The following HYCC1 variants were observed in gnomAD, a reference collection of about 807,000 sequenced individuals.
HYCC1 encodes hyccin.
chr7:23,007,597 A>G, the HYCC1 span, among the ~76,000 whole-genome samples: 1 of 152,270 alleles, frequency 6.6e-6, no homozygotes, highest in African/African-American at 2.4e-5. Flanking sequence ...AAATGGAAAC[A>G]TGGAAAGCTT....
the HYCC1 span, among the ~76,000 whole-genome samples, chr7:23,002,136 G>GTATATTTATA: frequency 1.3e-5 from 1 of 76,614 alleles, no homozygotes; most frequent in Admixed American, 1.8e-4. Context: ...GGTAAAAATT[G>GTATATTTATA]TATATATATA....
At chr7:22,917,421 G>A in the HYCC1 span, among the ~76,000 whole-genome samples, 2,029 of 152,038 alleles carry the variant, frequency 0.013, 58 homozygotes, top group African/African-American at 0.047. Context: ...GCTATTCTAC[G>A]ACTCCTGAGG....
chr7:23,001,480 T>C, the HYCC1 span, among the ~76,000 whole-genome samples: 1 of 152,184 alleles, frequency 6.6e-6, no homozygotes, highest in Non-Finnish European at 1.5e-5. Flanking sequence ...TCTTTTCTTC[T>C]TCCTAATATT....
At chr7:22,904,089 T>C in the HYCC1 span, among the ~76,000 whole-genome samples, 2 of 152,258 alleles carry the variant, frequency 1.3e-5, no homozygotes, top group South Asian at 2.1e-4. Context: ...ATCAAAAATG[T>C]AGAAATTATC....
the HYCC1 span, among the ~76,000 whole-genome samples, chr7:22,932,171 T>C: frequency 2.0e-5 from 3 of 152,210 alleles, no homozygotes; most frequent in African/African-American, 7.2e-5. Context: ...AACAAATCTA[T>C]GCAAGACTCC....
chr7:22,976,172 T>C, the HYCC1 span: 6 of 1,213,136 alleles, frequency 4.9e-6, no homozygotes, highest in East Asian at 4.7e-5. Flanking sequence ...CATAGATTCA[T>C]ATATTTCAAT....
chr7:22,925,348 T>G, the HYCC1 span, among the ~76,000 whole-genome samples: 7 of 151,716 alleles, frequency 4.6e-5, no homozygotes, highest in South Asian at 1.3e-3. Flanking sequence ...CTTTGATGAG[T>G]TGAGAGAGGA....
the HYCC1 span, among the ~76,000 whole-genome samples, chr7:22,973,967 T>C: frequency 6.6e-6 from 1 of 152,134 alleles, no homozygotes; most frequent in Non-Finnish European, 1.5e-5. Context: ...CTTCAAAAAA[T>C]ACATTTATAT....
chr7:22,909,478 G>C, the HYCC1 span, among the ~76,000 whole-genome samples: 7 of 152,244 alleles, frequency 4.6e-5, no homozygotes, highest in East Asian at 1.3e-3. Context: ...AGTAATGCAA[G>C]AATGGCCTAA....
At chr7:22,993,302 A>C in the HYCC1 span, among the ~76,000 whole-genome samples, 1 of 152,186 alleles carries the variant, frequency 6.6e-6, no homozygotes, top group African/African-American at 2.4e-5. Context: ...TTAGAAGAAA[A>C]TGCAAGAGAG....
the HYCC1 span, chr7:22,961,316 AT>A: frequency 1.3e-6 from 2 of 1,543,880 alleles, no homozygotes; most frequent in Non-Finnish European, 1.8e-6. Context: ...CCCATTCTCC[AT>A]TATAACTATA....
At chr7:22,968,856 T>G in the HYCC1 span, among the ~76,000 whole-genome samples, 1 of 152,020 alleles carries the variant, frequency 6.6e-6, no homozygotes, top group Admixed American at 6.6e-5. Context: ...CATGGTGCCA[T>G]GTGCCTGTAA....
At chr7:22,987,112 A>C in the HYCC1 span, among the ~76,000 whole-genome samples, 1 of 152,238 alleles carries the variant, frequency 6.6e-6, no homozygotes, top group African/African-American at 2.4e-5. Flanking sequence ...AATCTGCTAG[A>C]TAAATCTACC....
chr7:23,012,605 T>C, the HYCC1 span, among the ~76,000 whole-genome samples: 2 of 152,310 alleles, frequency 1.3e-5, no homozygotes, highest in South Asian at 4.1e-4. Flanking sequence ...ATCTTAAATG[T>C]TTTTCCTTCC....
the HYCC1 span, among the ~76,000 whole-genome samples, chr7:23,005,101 G>A: frequency 3.3e-5 from 5 of 152,082 alleles, no homozygotes; most frequent in South Asian, 2.1e-4. Flanking sequence ...CACGGCGCCC[G>A]GCCTCTTCTA....
chr7:22,987,788 T>C, the HYCC1 span, among the ~76,000 whole-genome samples: 3 of 152,200 alleles, frequency 2.0e-5, no homozygotes, highest in Non-Finnish European at 4.4e-5. Flanking sequence ...CCCAACATCA[T>C]AAAACCAGCT....
At chr7:22,933,875 T>G in the HYCC1 span, among the ~76,000 whole-genome samples, 2 of 152,238 alleles carry the variant, frequency 1.3e-5, no homozygotes, top group Non-Finnish European at 2.9e-5. Context: ...TTGAAATTTT[T>G]GACACAATGT....
At chr7:22,903,362 TA>T in the HYCC1 span, among the ~76,000 whole-genome samples, 1 of 151,838 alleles carries the variant, frequency 6.6e-6, no homozygotes, top group Non-Finnish European at 1.5e-5. Context: ...AGACTCCAAA[TA>T]ACCAAGAATT....
chr7:22,967,850 T>A, the HYCC1 span, among the ~76,000 whole-genome samples: 1 of 152,164 alleles, frequency 6.6e-6, no homozygotes, highest in Non-Finnish European at 1.5e-5. Context: ...TTAGAACAAA[T>A]AGGAACACTG....
Sources: allele counts gnomAD v4.1 joint callset (sites outside exome capture counted in the v4.1 genomes callset), GRCh38; gene constraint gnomAD v4.1.1; transcripts MANE v1.5; gene names NCBI Gene and HGNC (gene_info 2026-07-23, HGNC 2026-07-21).